MIA2: variants seen among roughly 807,000 people sequenced by gnomAD.
MIA2 encodes the protein melanoma inhibitory activity protein 2.
Under a neutral mutation model 167.8 loss-of-function variants are expected in MIA2, and 127 were observed. The observed-to-expected ratio is 0.76, with a 90% CI of 0.66 to 0.88. The LOEUF (loss-of-function observed/expected upper bound fraction) is 0.88, where lower values mean the gene tolerates loss of function less well. MIA2 is among the 40% of genes least tolerant of loss of function. MIA2 has a pLI of 0.00. For missense variants in MIA2, 1,690 were observed against 1,624.7 expected (o/e 1.04, Z -0.69); for synonymous variants, 552 against 541.9 (o/e 1.02, Z -0.26).
At chr14:39,267,411 C>A in intron 6 of MIA2, 1 of 1,608,708 alleles carries the variant, frequency 6.2e-7, no homozygotes, top group South Asian at 1.1e-5. Context: ...TTATTGTGGC[C>A]CCGACAGGCC....
In MIA2 at chr14:39,350,151, G is replaced by A; in HGVS notation, c.4126G>A (p.Gly1376Arg). ...TCCTCCTTACCTTCCCCCAAGACCT[G>A]GATTTTTCCCCCCACCCCCACATTC... is the stretch of plus-strand genomic sequence containing the variant. ...GFPPYLPPRP[G>R]FFPPPPHSEG... Residue 1376 changes from glycine (G) to arginine (R), a missense_variant, in exon 29 of 29, where the codon GGA becomes AGA. Gly to Arg is a moderately radical substitution (Grantham distance 125, BLOSUM62 -2). Coordinates refer to ENST00000640607, the MANE Select transcript of MIA2 (RefSeq NM_001329214.4). 2 of 1,407,240 alleles carry A rather than the reference G, an allele frequency of 1.4e-6. No homozygotes were observed. The highest frequency in any genetic ancestry group is 1.9e-6 in the Non-Finnish European group (2 of 1,028,430). The allele number at this position is 1,407,240 out of a possible 1,614,324, so 87.2% of individuals were successfully genotyped here. A position where few individuals can be genotyped will look rare whatever the true frequency, so the allele number is the denominator to read the frequency against.
At chr14:39,347,814 CCTT>C (rs773170210) in intron 27 of MIA2, 43 bp downstream of exon 27, 28 of 1,141,800 alleles carry the variant, frequency 2.5e-5, no homozygotes, top group East Asian at 2.9e-5. Context: ...TATTCAGAAG[CCTT>C]CTTTTTTTTT....
At chr14:39,354,678 G>GT (rs1377068596), downstream of MIA2, among the ~76,000 whole-genome samples, 1 of 152,084 alleles carries the variant, frequency 6.6e-6, no homozygotes, top group East Asian at 1.9e-4. Flanking sequence ...TTCTTCTAGG[G>GT]TTTTTATGGT....
chr14:39,244,121 ACAAT>A, intron 3 of MIA2, among the ~76,000 whole-genome samples: 1 of 152,236 alleles, frequency 6.6e-6, no homozygotes, highest in East Asian at 1.9e-4. Context: ...CTTACGCCCT[ACAAT>A]CAAACAAGGT....
In MIA2 at chr14:39,266,617, A is replaced by G. The variant is rs561116669; in HGVS notation, c.1888-10317A>G. 1.9e-4 allele frequency: 185 copies of G among 985,482 alleles called. No homozygotes were observed. In the African/African-American group the frequency reaches 3.0e-3, roughly 16 times the overall value. 61.0% of individuals were successfully genotyped at this position (985,482 alleles called of 1,614,324 possible). On this transcript the variant is annotated intron_variant, in intron 6 of 28. Transcript: ENST00000640607. The stretch of plus-strand genomic sequence containing the variant: ...GCTGAGCCGGGACGCCTTCCTGTCT[A>G]AAGTCCAAAGTCCGGACGTGGTTGG...
At chr14:39,244,053 G>C (rs1307285297) in intron 3 of MIA2, among the ~76,000 whole-genome samples, 1 of 152,232 alleles carries the variant, frequency 6.6e-6, no homozygotes, top group African/African-American at 2.4e-5. Context: ...TCTTGGCTTT[G>C]CTGAGCATGC....
At chr14:39,297,640 C>T (rs2061604011) in intron 13 of MIA2, among the ~76,000 whole-genome samples, 1 of 147,608 alleles carries the variant, frequency 6.8e-6, no homozygotes, top group African/African-American at 2.5e-5. Context: ...TTCCACCTCT[C>T]CAAAGAATGA....
At chr14:39,253,404 C>T in intron 6 of MIA2, 1 of 565,820 alleles carries the variant, frequency 1.8e-6, no homozygotes, top group South Asian at 2.3e-5. Context: ...GCGGTGTTTG[C>T]TTTTTACTCC....
At chr14:39,380,669 G>C (rs1595966272) in intron 23 of MIA2, among the ~76,000 whole-genome samples, 1 of 143,272 alleles carries the variant, frequency 7.0e-6, no homozygotes, top group Admixed American at 7.1e-5. Context: ...CTCCAGCCTG[G>C]CGACAGAGCG....
intron 6 of MIA2, chr14:39,267,339 T>G: frequency 6.4e-7 from 1 of 1,561,010 alleles, no homozygotes; most frequent in Non-Finnish European, 8.6e-7. Context: ...TCCGCAGTGG[T>G]CCACTCCGGT....
chr14:39,258,292 C>CT (rs2152648673), intron 6 of MIA2, among the ~76,000 whole-genome samples: 1 of 152,182 alleles, frequency 6.6e-6, no homozygotes, highest in African/African-American at 2.4e-5. Flanking sequence ...CCTTTTCATA[C>CT]TTTTTTCTCT....
intron 6 of MIA2, among the ~76,000 whole-genome samples, chr14:39,257,609 A>C (rs1594714339): frequency 6.6e-6 from 1 of 152,160 alleles, no homozygotes; most frequent in East Asian, 1.9e-4. Context: ...GTTATGTGTG[A>C]ATTTGATCCT....
chr14:39,338,826 A>ATT (rs2071099501), intron 25 of MIA2, among the ~76,000 whole-genome samples: 1 of 152,252 alleles, frequency 6.6e-6, no homozygotes, highest in Non-Finnish European at 1.5e-5. Context: ...TTCTTTTGCC[A>ATT]GGGTTAACTG....
At chr14:39,270,571 C>A (rs1203128257) in intron 6 of MIA2, among the ~76,000 whole-genome samples, 1 of 151,866 alleles carries the variant, frequency 6.6e-6, no homozygotes, top group Non-Finnish European at 1.5e-5. Context: ...CTTTGTTGCC[C>A]AGGCTGGAGC....
At chr14:39,323,316 C>T (rs1595605577) in intron 24 of MIA2, among the ~76,000 whole-genome samples, 1 of 152,008 alleles carries the variant, frequency 6.6e-6, no homozygotes, top group Non-Finnish European at 1.5e-5. Context: ...CTGGAAGCTC[C>T]TAGGGAAAGG....
intron 4 of MIA2, among the ~76,000 whole-genome samples, chr14:39,252,154 A>G (rs4902458): frequency 0.068 from 10,372 of 152,162 alleles, 456 homozygotes; most frequent in South Asian, 0.18. Flanking sequence ...AGTAGGCTGA[A>G]TAAAAGCCCC....
intron 23 of MIA2, among the ~76,000 whole-genome samples, chr14:39,362,101 C>T (rs62000717): frequency 0.17 from 25,884 of 151,992 alleles, 2,375 homozygotes; most frequent in Middle Eastern, 0.28. Context: ...TATTAATATT[C>T]GTTGAGTTTT....
rs1566694881 is a variant in MIA2 at position 39,279,432 on chromosome 14, T to C, written c.2042-17T>C. On this transcript the variant is annotated splice_polypyrimidine_tract_variant and intron_variant, in intron 8 of 28. Coordinates refer to ENST00000640607, the MANE Select transcript of MIA2 (RefSeq NM_001329214.4). ...TATAATAATTTACTCATGGTAATATTGACTTGACTTTTTTAGGACGAGAGA... is the reference window on the plus strand; with the variant it reads ...TATAATAATTTACTCATGGTAATATCGACTTGACTTTTTTAGGACGAGAGA... The C allele has an allele frequency of 6.2e-7, 1 of 1,603,390 alleles. No homozygotes were observed. Among genetic ancestry groups the C allele is most frequent in the Non-Finnish European group, 8.5e-7 (1 of 1,176,908 alleles).
intron 21 of MIA2, 130 bp from the exon 22 acceptor site, chr14:39,317,814 A>G (rs2065762901): frequency 1.9e-6 from 1 of 530,766 alleles, no homozygotes; most frequent in Non-Finnish European, 3.1e-6. Context: ...TTCAGTGATT[A>G]TGATTTGTAT....
Sources: allele counts gnomAD v4.1 joint callset (sites outside exome capture counted in the v4.1 genomes callset), GRCh38; gene constraint gnomAD v4.1.1; transcripts MANE v1.5; gene names NCBI Gene and HGNC (gene_info 2026-07-23, HGNC 2026-07-21).